Variants in C6orf118 observed in about 807,000 individuals in gnomAD.
C6orf118 encodes the protein chromosome 6 open reading frame 118.
A neutral mutation model predicts 50.2 loss-of-function variants in C6orf118; 50 were observed. The ratio of observed to expected loss-of-function variants is 1.00; its 90% CI spans 0.79 to 1.26. C6orf118 has a LOEUF of 1.26. Among genes scored for constraint, C6orf118 ranks in the 50% most tolerant of loss-of-function variants. The pLI, the probability that C6orf118 is intolerant of heterozygous loss-of-function variation, is 0.00. For synonymous variants in C6orf118, 239 were observed against 230.9 expected, an observed-to-expected ratio of 1.03 and a Z score of -0.32; for missense variants, 641 against 578.7, an observed-to-expected ratio of 1.11 and a Z score of -1.10.
chr6:165,280,209 C>A, intron 8 of C6orf118, 99 bp from the exon 9 acceptor site: 1 of 759,374 alleles, frequency 1.3e-6, no homozygotes. Flanking sequence ...CACATTTACC[C>A]AAAAACAGAC....
intron 7 of C6orf118, among the ~76,000 whole-genome samples, chr6:165,288,959 A>G (rs1290615014): frequency 6.6e-6 from 1 of 152,088 alleles, no homozygotes; most frequent in Non-Finnish European, 1.5e-5. Context: ...ATAAAATAAA[A>G]TAAAATAAAT....
intron 2 of C6orf118, 135 bp downstream of exon 2, chr6:165,301,434 A>G: frequency 8.0e-7 from 1 of 1,254,446 alleles, no homozygotes; most frequent in Non-Finnish European, 1.1e-6. Context: ...CTGCACCGAG[A>G]ACACTGCCCC....
intron 7 of C6orf118, among the ~76,000 whole-genome samples, chr6:165,286,930 G>T (rs944276902): frequency 6.6e-6 from 1 of 152,118 alleles, no homozygotes; most frequent in African/African-American, 2.4e-5. Context: ...TCTAGCCAGG[G>T]CAATCAGGCA....
intron 7 of C6orf118, among the ~76,000 whole-genome samples, chr6:165,289,273 C>A (rs893376843): frequency 5.9e-5 from 9 of 151,760 alleles, no homozygotes; most frequent in Non-Finnish European, 1.2e-4. Context: ...GGACCACCAA[C>A]ACCTTTCTAT....
chr6:165,302,252 G>A lies in C6orf118; in HGVS notation c.70C>T (p.Leu24=), dbSNP rs997929862. The part of the protein sequence containing the change: ...KHCETPGVKT[L]CNLKHCETPG... ...GTCTCGCAGTGCTTCAGATTACACA[G>A]GGTCTTCACGCCTGGCGTCTCGCAG... is the stretch of plus-strand genomic sequence containing the variant. Residue 24 remains leucine, a synonymous_variant, in exon 2 of 9, where the codon CTG becomes TTG. Transcript: ENST00000230301. 2.5e-6 allele frequency: 4 copies of A among 1,613,816 alleles called. No individual in the cohort carries two copies. Among genetic ancestry groups the A allele is most frequent in the Admixed American group, 1.7e-5 (1 of 59,998 alleles).
chr6:165,303,196 T>C (rs1213518747), intron 1 of C6orf118, among the ~76,000 whole-genome samples: 1 of 152,190 alleles, frequency 6.6e-6, no homozygotes, highest in Non-Finnish European at 1.5e-5. Flanking sequence ...CCAAGGCGGC[T>C]GAATACTGGA....
chr6:165,295,163 C>T (rs963860581), intron 5 of C6orf118, among the ~76,000 whole-genome samples: 6 of 152,022 alleles, frequency 3.9e-5, no homozygotes, highest in African/African-American at 1.4e-4. Context: ...TCTACTTTTT[C>T]CCAATGCCTA....
chr6:165,281,785 T>C (rs1224815554), intron 7 of C6orf118, 92 bp from the exon 8 acceptor site: 27 of 807,804 alleles, frequency 3.3e-5, no homozygotes, highest in Non-Finnish European at 4.4e-5. Flanking sequence ...TGAATGATAT[T>C]ATAATTTCAA....
chr6:165,290,383 G>C (rs369975825), intron 6 of C6orf118, among the ~76,000 whole-genome samples: 1 of 152,060 alleles, frequency 6.6e-6, no homozygotes, highest in Non-Finnish European at 1.5e-5. Context: ...GAAACAACAA[G>C]AAAGTGACAG....
intron 7 of C6orf118, among the ~76,000 whole-genome samples, chr6:165,288,441 C>A (rs115274327): frequency 6.6e-6 from 1 of 152,036 alleles, no homozygotes. Flanking sequence ...TTTGTATATA[C>A]CCAAAGGAAT....
At chr6:165,286,421 C>T (rs1019764698) in intron 7 of C6orf118, among the ~76,000 whole-genome samples, 1 of 152,136 alleles carries the variant, frequency 6.6e-6, no homozygotes, top group Non-Finnish European at 1.5e-5. Flanking sequence ...CTCCTTAACT[C>T]ATTTTATGAG....
chr6:165,299,437 C>G lies in C6orf118; in HGVS notation c.936+6G>C. 1 of 1,613,574 alleles carries G rather than the reference C, an allele frequency of 6.2e-7. No homozygotes were observed. The highest frequency in any genetic ancestry group is 1.3e-5 in the African/African-American group (1 of 75,004). On this transcript the variant is annotated splice_donor_region_variant and intron_variant, in intron 4 of 8. Transcript: ENST00000230301. The stretch of plus-strand genomic sequence containing the variant: ...TCTATTCAGGCTCTTTGTGATCGAT[C>G]GTCACCTCGTACTGTGCTGCAGGCT...
chr6:165,302,014 G>T lies in C6orf118; in HGVS notation c.308C>A (p.Ala103Glu), dbSNP rs149637046. Residue 103 changes from alanine (A) to glutamate (E), a missense_variant, in exon 2 of 9, where the codon GCG becomes GAG. By Grantham distance (107) the Ala-to-Glu change is moderately radical. Transcript: ENST00000230301. ...GTGGGCCAGGGCCTCCTTCATCCTCGCCACCTTCCCTGCGGGCGGCTCTCC... is the reference window on the plus strand; with the variant it reads ...GTGGGCCAGGGCCTCCTTCATCCTCTCCACCTTCCCTGCGGGCGGCTCTCC... ...EVGEPPAGKVARMKEALAHFT... is the reference protein window; with the variant it reads ...EVGEPPAGKVERMKEALAHFT... The T allele has an allele frequency of 1.9e-6, 3 of 1,613,248 alleles. No homozygotes were observed. The highest frequency in any genetic ancestry group is 2.2e-5 in the South Asian group (2 of 91,074).
In C6orf118 at chr6:165,302,308, A is replaced by C. The variant is rs1780588610; in HGVS notation, c.26-12T>G. 1.9e-6 allele frequency: 3 copies of C among 1,606,902 alleles called. No individual in the cohort carries two copies. The highest frequency in any genetic ancestry group is 2.7e-5 in the African/African-American group (2 of 73,512). ...CCACTTCAGGTACACTGGTCAGAAA[A>C]GAAAAGGAGGCTCTTAGGGATCGCT... is the stretch of plus-strand genomic sequence containing the variant. On this transcript the variant is annotated splice_polypyrimidine_tract_variant and intron_variant, in intron 1 of 8. Coordinates refer to ENST00000230301, the MANE Select transcript of C6orf118 (RefSeq NM_144980.4).
intron 7 of C6orf118, 97 bp downstream of exon 7, chr6:165,289,788 AT>A: frequency 4.1e-6 from 3 of 727,928 alleles, no homozygotes; most frequent in Non-Finnish European, 4.0e-6. Flanking sequence ...AAATTTTATG[AT>A]TTTTTTACCC....
intron 7 of C6orf118, among the ~76,000 whole-genome samples, chr6:165,282,608 A>C (rs1402069843): frequency 6.7e-6 from 1 of 150,364 alleles, no homozygotes; most frequent in Non-Finnish European, 1.5e-5. Context: ...ATGTTCATAA[A>C]AGTGTCTGAT....
At chr6:165,280,494 A>G (rs1779692154) in intron 8 of C6orf118, among the ~76,000 whole-genome samples, 1 of 152,164 alleles carries the variant, frequency 6.6e-6, no homozygotes, top group Admixed American at 6.5e-5. Flanking sequence ...CAAAACCTAG[A>G]TCCACCTGTA....
At chr6:165,302,794 G>A (rs1780609269) in intron 1 of C6orf118, among the ~76,000 whole-genome samples, 1 of 152,084 alleles carries the variant, frequency 6.6e-6, no homozygotes, top group Non-Finnish European at 1.5e-5. Flanking sequence ...ACCTCTTCCT[G>A]CAGCATCCCT....
chr6:165,297,893 T>C, intron 5 of C6orf118, 84 bp downstream of exon 5: 6 of 1,585,654 alleles, frequency 3.8e-6, no homozygotes, highest in East Asian at 2.2e-5. Flanking sequence ...CAGAAATCAA[T>C]GTAACCGTAG....
Sources: gnomAD v4.1 joint callset for allele counts (sites outside exome capture counted in the v4.1 genomes callset) on GRCh38, gnomAD v4.1.1 for gene constraint, MANE v1.5 for transcripts, NCBI Gene and HGNC (gene_info 2026-07-23, HGNC 2026-07-21) for gene names.